Variants in PIGG observed in about 807,000 individuals in gnomAD.
The protein encoded by PIGG is GPI ethanolamine phosphate transferase 2, catalytic subunit.
Under a neutral mutation model 83.2 loss-of-function variants are expected in PIGG, and 70 were observed. The ratio of observed to expected loss-of-function variants is 0.84; its 90% CI spans 0.69 to 1.03. PIGG has a LOEUF of 1.03. Among genes scored for constraint, PIGG ranks in the 50% least tolerant of loss-of-function variants. The pLI, the probability that PIGG is intolerant of heterozygous loss-of-function variation, is 0.00. For synonymous variants in PIGG, 532 were observed against 519.5 expected, an observed-to-expected ratio of 1.02 and a Z score of -0.33; for missense variants, 1,257 against 1,233.6, an observed-to-expected ratio of 1.02 and a Z score of -0.28.
intron 12 of PIGG, among the ~76,000 whole-genome samples, chr4:534,634 G>A (rs142245933): frequency 1.2e-4 from 19 of 152,212 alleles, no homozygotes; most frequent in Admixed American, 3.3e-4. Flanking sequence ...GGTCCACCTC[G>A]TTCCCTCCAG....
chr4:535,908 A>C (rs540608980), intron 12 of PIGG, among the ~76,000 whole-genome samples: 1 of 152,290 alleles, frequency 6.6e-6, no homozygotes, highest in Non-Finnish European at 1.5e-5. Context: ...CTCCAGACCC[A>C]GATGCCCAGC....
rs1723436346 is a variant in PIGG, at chr4:515,234, G to A, written c.902-739G>A. 6.6e-6 allele frequency among the ~76,000 whole-genome samples: 1 copy of A among 152,240 alleles called. No homozygotes were observed. Among genetic ancestry groups the A allele is most frequent in the African/African-American group, 2.4e-5 (1 of 41,464 alleles). On this transcript the variant is annotated intron_variant, in intron 5 of 12. Transcript: ENST00000453061. This position sits in a 1 kb window ranked among gnomAD's most constrained non-coding sequence, Gnocchi z 4.2. ...TGAATTCCAGGGTGTGGAGCTGTTT[G>A]CTGTCTTTACAGATGAAAACACTTC...
intron 2 of PIGG, among the ~76,000 whole-genome samples, chr4:503,761 T>C (rs1189774237): frequency 1.3e-5 from 2 of 152,108 alleles, no homozygotes; most frequent in African/African-American, 4.8e-5. Context: ...TGATGTGTTA[T>C]TAATTGAAGA....
intron 9 of PIGG, 38 bp downstream of exon 9, chr4:523,951 T>C (rs1443366269): frequency 7.6e-6 from 10 of 1,321,370 alleles, no homozygotes; most frequent in Non-Finnish European, 1.0e-5. Context: ...CCAGACTTTC[T>C]ACGGCCGATT....
At chr4:538,722 G>C (rs1030611884) in intron 12 of PIGG, among the ~76,000 whole-genome samples, 6 of 152,138 alleles carry the variant, frequency 3.9e-5, no homozygotes, top group Admixed American at 2.0e-4. Flanking sequence ...ATTTCTGTAG[G>C]GGGGGCTCCA....
intron 2 of PIGG, among the ~76,000 whole-genome samples, chr4:504,015 T>C (rs1718709954): frequency 6.6e-6 from 1 of 152,184 alleles, no homozygotes; most frequent in Admixed American, 6.5e-5. Flanking sequence ...CATTTTTGCA[T>C]GTACAGCATT....
intron 1 of PIGG, 145 bp downstream of exon 1, chr4:499,634 A>G: frequency 7.1e-7 from 1 of 1,414,660 alleles, no homozygotes; most frequent in Non-Finnish European, 9.2e-7. Flanking sequence ...ATTTTTTTTA[A>G]CCGCTCCAGC....
At position 539,490 on chromosome 4, in the gene PIGG, C is replaced by CT; in HGVS notation, c.*122dup. ...TTTGACTGCTCTACCTGAATTTAGA[C>CT]TAAGCAGTAAATAGTTTAATAAAAG... On this transcript the variant is annotated 3_prime_UTR_variant, in exon 13 of 13. Coordinates refer to ENST00000453061, the MANE Select transcript of PIGG (RefSeq NM_001127178.3). 1 of 630,834 alleles carries CT rather than the reference C, an allele frequency of 1.6e-6. No homozygotes were observed. 39.1% of individuals were successfully genotyped at this position (630,834 alleles called of 1,614,324 possible).
chr4:520,993 A>G (rs1056847784), intron 6 of PIGG, 63 bp from the exon 7 acceptor site: 13 of 1,104,926 alleles, frequency 1.2e-5, no homozygotes, highest in Non-Finnish European at 1.8e-5. Context: ...CTTTGAGATT[A>G]TGTATATAAA....
rs1725899566 is a variant in PIGG, at chr4:521,594, G to A, written c.1333-66G>A. 9 of 1,488,124 alleles carry A rather than the reference G, an allele frequency of 6.0e-6. No individual in the cohort carries two copies. In the East Asian group the frequency reaches 2.0e-4, roughly 34 times the overall value. 92.2% of individuals were successfully genotyped at this position (1,488,124 alleles called of 1,614,324 possible). Reference sequence around the variant, plus strand: ...ACAGCTGACACGAGAGCGGGAGCTGGGCTTATTTTTAAGTGGGTTTCTCCA... The same window carrying A: ...ACAGCTGACACGAGAGCGGGAGCTGAGCTTATTTTTAAGTGGGTTTCTCCA... On this transcript the variant is annotated intron_variant, in intron 7 of 12. Transcript: ENST00000453061.
Position 507,293 on chromosome 4 carries a change from C to G in PIGG, c.571-112C>G, listed in dbSNP as rs570423332. The G allele has an allele frequency of 8.5e-5, 70 of 820,980 alleles. No homozygotes were observed. In the Middle Eastern group the frequency reaches 1.4e-3, roughly 17 times the overall value. The allele number at this position is 820,980 out of a possible 1,614,324, so 50.9% of individuals were successfully genotyped here. A position where few individuals can be genotyped will look rare whatever the true frequency, so the allele number is the denominator to read the frequency against. ...TTGTTGTGTTTCAACTCCCCCAAAT[C>G]CTGTAACCTGAATAAACCCCTAGAT... is the stretch of plus-strand genomic sequence containing the variant. On this transcript the variant is annotated intron_variant, in intron 3 of 12. Transcript: ENST00000453061.
At chr4:517,713 C>T (rs760567822) in intron 6 of PIGG, among the ~76,000 whole-genome samples, 30 of 152,040 alleles carry the variant, frequency 2.0e-4, no homozygotes, top group Non-Finnish European at 4.1e-4. Context: ...GCAGACACTG[C>T]GACTCTAATG....
chr4:527,041 C>G lies in PIGG; in HGVS notation c.2072C>G (p.Ser691Cys). The G allele has an allele frequency of 6.2e-7, 1 of 1,614,184 alleles. No homozygotes were observed. Among genetic ancestry groups the G allele is most frequent in the Non-Finnish European group, 8.5e-7 (1 of 1,180,024 alleles). Residue 691 changes from serine to cysteine, a missense_variant and splice_region_variant, in exon 10 of 13, where the codon TCT (serine) becomes TGT (cysteine). By Grantham distance (112) the Ser-to-Cys change is moderately radical (BLOSUM62 -1). Transcript: ENST00000453061. ...TGGCATTTTCCATCTCATTTCAGCT[C>G]TGACCACAAAGCCGAGCTCTCTGTC... ...RPDLGHWLTSSDHKAELSVLA... is the reference protein window; with the variant it reads ...RPDLGHWLTSCDHKAELSVLA...
intron 10 of PIGG, among the ~76,000 whole-genome samples, chr4:530,015 C>T (rs1191987192): frequency 1.3e-5 from 2 of 152,190 alleles, no homozygotes; most frequent in African/African-American, 4.8e-5. Context: ...TTTAAATCTG[C>T]TCAGTTGTGC....
chr4:537,314 C>A (rs1422358260), intron 12 of PIGG: 1 of 152,198 alleles, frequency 6.6e-6, no homozygotes, highest in East Asian at 1.9e-4. Flanking sequence ...CCCTGCAGCG[C>A]AAATGGCTCT....
chr4:506,986 C>T lies in PIGG; in HGVS notation c.571-419C>T, dbSNP rs1295081749. The T allele has an allele frequency of 2.8e-5, 8 of 288,854 alleles. No individual in the cohort carries two copies. The East Asian group carries it at 5.6e-4, about 20-fold the overall frequency. 17.9% of individuals were successfully genotyped at this position (288,854 alleles called of 1,614,324 possible). On this transcript the variant is annotated intron_variant, in intron 3 of 12. Coordinates refer to ENST00000453061, the MANE Select transcript of PIGG (RefSeq NM_001127178.3). ...ATGCCCATTAAGCCCAGCAGTGATC[C>T]CACAGAAAAATATTTTTGTCAGAAG...
chr4:508,983 G>A lies in PIGG; in HGVS notation c.901+13G>A, dbSNP rs1720904568. The A allele has an allele frequency of 3.1e-6, 5 of 1,603,124 alleles. No homozygotes were observed. The highest frequency in any genetic ancestry group is 4.3e-6 in the Non-Finnish European group (5 of 1,173,218). On this transcript the variant is annotated intron_variant, in intron 5 of 12. Coordinates refer to ENST00000453061, the MANE Select transcript of PIGG (RefSeq NM_001127178.3). ...GAAAGGAAACCCGGTGAGAATTTAG[G>A]AATGTTAACAGTTGGAAATTGTATT...
intron 4 of PIGG, among the ~76,000 whole-genome samples, 177 bp from the exon 5 acceptor site, chr4:508,652 G>A (rs1404610162): frequency 6.6e-6 from 1 of 152,168 alleles, no homozygotes; most frequent in Non-Finnish European, 1.5e-5. Context: ...TTCATTTATG[G>A]CATTATTTGA....
At chr4:512,649 T>C (rs1432919962) in intron 5 of PIGG, among the ~76,000 whole-genome samples, 1 of 151,822 alleles carries the variant, frequency 6.6e-6, no homozygotes, top group Non-Finnish European at 1.5e-5. Flanking sequence ...ACCCCGTCTC[T>C]ACTAAAAGTA....
Sources: gnomAD v4.1 joint callset for allele counts (sites outside exome capture counted in the v4.1 genomes callset) on GRCh38, gnomAD v4.1.1 for gene constraint, Gnocchi (gnomAD v3.1) non-coding constraint, MANE v1.5 for transcripts, NCBI Gene and HGNC (gene_info 2026-07-23, HGNC 2026-07-21) for gene names.